Variants in L3MBTL4 observed in about 807,000 individuals in gnomAD.
The protein encoded by L3MBTL4 is L3MBTL histone methyl-lysine binding protein 4.
In L3MBTL4, 70 loss-of-function variants were observed where a neutral mutation model predicts 84.5. The observed-to-expected ratio is 0.83, with a 90% CI of 0.68 to 1.01. L3MBTL4 has a LOEUF of 1.01. Ranked by LOEUF, L3MBTL4 falls within the 50% of genes least tolerant of loss-of-function variation. L3MBTL4 has a pLI of 0.00. For missense variants in L3MBTL4, 715 were observed against 754.8 expected (o/e 0.95, Z 0.62); for synonymous variants, 274 against 259.8 (o/e 1.05, Z -0.52).
intron 1 of L3MBTL4, among the ~76,000 whole-genome samples, chr18:6,328,718 C>G (rs575478525): frequency 6.6e-6 from 1 of 152,126 alleles, no homozygotes; most frequent in Non-Finnish European, 1.5e-5. Flanking sequence ...ACTAGTACCA[C>G]GGAAACTTTT....
intron 1 of L3MBTL4, among the ~76,000 whole-genome samples, chr18:6,322,051 T>C (rs1328902744): frequency 7.3e-5 from 11 of 151,374 alleles, no homozygotes; most frequent in Admixed American, 5.3e-4. Flanking sequence ...TAAAAATATT[T>C]TTTTATAAAA....
chr18:6,308,017 A>G (rs930553502), intron 3 of L3MBTL4, among the ~76,000 whole-genome samples: 8 of 152,178 alleles, frequency 5.3e-5, no homozygotes, highest in African/African-American at 1.9e-4. Context: ...CTAGACATCA[A>G]TGAAATCACC....
chr18:6,413,240 T>C (rs1054174076), intron 1 of L3MBTL4, among the ~76,000 whole-genome samples: 1 of 152,246 alleles, frequency 6.6e-6, no homozygotes, highest in African/African-American at 2.4e-5. Context: ...GAACATTTCT[T>C]GTGACCCCAA....
chr18:6,061,873 T>C (rs1184726750), intron 16 of L3MBTL4, among the ~76,000 whole-genome samples: 1 of 151,958 alleles, frequency 6.6e-6, no homozygotes, highest in Non-Finnish European at 1.5e-5. Flanking sequence ...CGCTATACCA[T>C]GCAAGCACCT....
intron 16 of L3MBTL4, among the ~76,000 whole-genome samples, chr18:6,069,208 C>A (rs951860361): frequency 6.6e-6 from 1 of 152,178 alleles, no homozygotes; most frequent in African/African-American, 2.4e-5. Flanking sequence ...GTGAACTTGC[C>A]ACATGGACAG....
At chr18:6,091,668 G>A (rs1200528737) in intron 15 of L3MBTL4, among the ~76,000 whole-genome samples, 6 of 152,280 alleles carry the variant, frequency 3.9e-5, no homozygotes, top group African/African-American at 1.2e-4. Flanking sequence ...AGATAGGGAG[G>A]CAACATATCT....
intron 12 of L3MBTL4, among the ~76,000 whole-genome samples, chr18:6,187,925 A>G (rs2044859300): frequency 6.6e-6 from 1 of 152,010 alleles, no homozygotes; most frequent in Non-Finnish European, 1.5e-5. Context: ...GTGAGAGCTA[A>G]ACATAACCTA....
intron 1 of L3MBTL4, among the ~76,000 whole-genome samples, chr18:6,394,461 C>A (rs2055190186): frequency 6.6e-6 from 1 of 152,034 alleles, no homozygotes. Context: ...GAGCAAGACT[C>A]TGTCTCAAAA....
Position 6,239,735 on chromosome 18 carries a change from A to C in L3MBTL4, c.690T>G (p.Asp230Glu). 1.9e-6 allele frequency: 3 copies of C among 1,613,862 alleles called. No homozygotes were observed. The highest frequency in any genetic ancestry group is 2.5e-6 in the Non-Finnish European group (3 of 1,179,964). The change falls in exon 9 of 19, where the codon GAT becomes GAG. Residue 230 changes from aspartate (D) to glutamate (E), a missense_variant. Physicochemically the swap from Asp to Glu is conservative, Grantham distance 45. Coordinates refer to ENST00000317931, the MANE Select transcript of L3MBTL4 (RefSeq NM_001330559.2). The stretch of plus-strand genomic sequence containing the variant: ...TATCTCACCAGTAATCGTAACTATC[A>C]TCCCAGTTGTCAAAATGCACTAGTA... ...DRLLVHFDNW[D>E]DSYDYWCDVN...
intron 1 of L3MBTL4, among the ~76,000 whole-genome samples, chr18:6,394,390 C>T (rs1348464951): frequency 6.6e-6 from 1 of 152,104 alleles, no homozygotes; most frequent in Non-Finnish European, 1.5e-5. Context: ...ATCACTTGAA[C>T]CCAGGAGGTG....
Position 6,072,882 on chromosome 18 carries a change from ATAT to A in L3MBTL4, c.1444+7996_1444+7998del, listed in dbSNP as rs1295898886. On this transcript the variant is annotated intron_variant, in intron 16 of 18. Coordinates refer to ENST00000317931, the MANE Select transcript of L3MBTL4 (RefSeq NM_001330559.2). ...CTCCGTCTCAAAAAAAAAAAAAAAA[ATAT>A]ATATATATATATATATATATATATA... Among the ~76,000 whole-genome samples the A allele has an allele frequency of 1.4e-3, 24 of 16,682 alleles. 1 individual carries two copies. Among genetic ancestry groups the A allele is most frequent in the South Asian group, 3.6e-3 (1 of 276 alleles). 10.9% of individuals were successfully genotyped at this position (16,682 alleles called of 152,430 possible). A position where few individuals can be genotyped will look rare whatever the true frequency, so the allele number is the denominator to read the frequency against.
intron 1 of L3MBTL4, among the ~76,000 whole-genome samples, chr18:6,325,755 G>A (rs908184376): frequency 2.0e-5 from 3 of 152,122 alleles, no homozygotes; most frequent in Admixed American, 6.5e-5. Flanking sequence ...ATTGAAATAT[G>A]TATGTTGCCT....
At chr18:6,325,378 T>A (rs1238750992) in intron 1 of L3MBTL4, among the ~76,000 whole-genome samples, 1 of 152,188 alleles carries the variant, frequency 6.6e-6, no homozygotes, top group Non-Finnish European at 1.5e-5. Flanking sequence ...AGAGATGGTA[T>A]CTTGCTATGT....
intron 15 of L3MBTL4, among the ~76,000 whole-genome samples, chr18:6,081,441 C>T (rs2058074938): frequency 6.6e-6 from 1 of 152,094 alleles, no homozygotes; most frequent in Non-Finnish European, 1.5e-5. Flanking sequence ...CGGCCTAATT[C>T]TGTTATTCTT....
At chr18:6,251,620 TA>T (rs1481361131) in intron 5 of L3MBTL4, among the ~76,000 whole-genome samples, 1 of 152,252 alleles carries the variant, frequency 6.6e-6, no homozygotes, top group African/African-American at 2.4e-5. Context: ...GATGCTAGAA[TA>T]TTACCAAAAG....
intron 13 of L3MBTL4, among the ~76,000 whole-genome samples, chr18:6,168,812 C>A (rs2043815486): frequency 6.6e-6 from 1 of 152,094 alleles, no homozygotes; most frequent in South Asian, 2.1e-4. Flanking sequence ...GCAACAGAAG[C>A]CAAAATTGAC....
intron 10 of L3MBTL4, among the ~76,000 whole-genome samples, chr18:6,235,120 A>G (rs2047162671): frequency 6.6e-6 from 1 of 152,166 alleles, no homozygotes; most frequent in Non-Finnish European, 1.5e-5. Flanking sequence ...TTGAACAATG[A>G]GAACACTTGG....
intron 10 of L3MBTL4, among the ~76,000 whole-genome samples, chr18:6,226,862 A>C (rs879450449): frequency 1.3e-5 from 2 of 152,166 alleles, no homozygotes; most frequent in Non-Finnish European, 2.9e-5. Flanking sequence ...ATAGAACACT[A>C]ACACCAAGAT....
At chr18:6,134,621 G>A (rs887875013) in intron 14 of L3MBTL4, among the ~76,000 whole-genome samples, 17 of 152,180 alleles carry the variant, frequency 1.1e-4, no homozygotes, top group Non-Finnish European at 2.4e-4. Flanking sequence ...CTGATATCCA[G>A]CAGGGCAGTC....
Sources: gnomAD v4.1 joint callset for allele counts (sites outside exome capture counted in the v4.1 genomes callset) on GRCh38, gnomAD v4.1.1 for gene constraint, MANE v1.5 for transcripts, NCBI Gene and HGNC (gene_info 2026-07-23, HGNC 2026-07-21) for gene names.